CNTN5: variants seen among roughly 807,000 people sequenced by gnomAD.
CNTN5 encodes contactin-5.
CNTN5 carries 77 observed loss-of-function variants against 129.1 expected under a neutral mutation model. The observed-to-expected ratio is 0.60, with a 90% CI of 0.50 to 0.72. The LOEUF (loss-of-function observed/expected upper bound fraction) is 0.72. CNTN5 is among the 30% of genes least tolerant of loss of function. The pLI, the probability that CNTN5 is intolerant of heterozygous loss-of-function variation, is 0.00. For synonymous variants in CNTN5, 509 were observed against 465.6 expected (o/e 1.09, Z -1.20); for missense variants, 1,478 against 1,328.8 (o/e 1.11, Z -1.75).
At chr11:100,007,473 G>T (rs1424126396) in intron 9 of CNTN5, among the ~76,000 whole-genome samples, 1 of 152,090 alleles carries the variant, frequency 6.6e-6, no homozygotes, top group East Asian at 1.9e-4. Flanking sequence ...ATAACTAGCT[G>T]AAGTTTTCAC....
intron 3 of CNTN5, among the ~76,000 whole-genome samples, chr11:99,704,512 C>G (rs928244976): frequency 2.6e-5 from 4 of 150,956 alleles, no homozygotes; most frequent in African/African-American, 9.7e-5. Context: ...ATATGAAATA[C>G]TAGAAATGTT....
chr11:99,751,033 G>A (rs1035720888), intron 3 of CNTN5, among the ~76,000 whole-genome samples: 3 of 152,168 alleles, frequency 2.0e-5, no homozygotes, highest in African/African-American at 7.2e-5. Context: ...GAAGTGAGAT[G>A]TTCATCCCTC....
chr11:99,455,794 T>TTA (rs1465807795), intron 2 of CNTN5, among the ~76,000 whole-genome samples: 2 of 152,090 alleles, frequency 1.3e-5, no homozygotes, highest in African/African-American at 4.8e-5. Context: ...GCATGAAAAA[T>TTA]TATATATATT....
Position 99,636,254 on chromosome 11 carries a change from G to T in CNTN5, c.55+79985G>T, listed in dbSNP as rs78050560. 6.9e-3 allele frequency among the ~76,000 whole-genome samples: 1,055 copies of T among 152,132 alleles called. 72 individuals carry two copies. The East Asian group carries it at 0.17, about 24-fold the overall frequency. On this transcript the variant is annotated intron_variant, in intron 3 of 24. Transcript: ENST00000524871. ...TACTATAGTTATATGGGGGAGATTGGGTGGCCTAGCCAAATAATTACCCAA... is the reference window on the plus strand; with the variant it reads ...TACTATAGTTATATGGGGGAGATTGTGTGGCCTAGCCAAATAATTACCCAA...
chr11:99,458,377 A>G (rs112647714), intron 2 of CNTN5, among the ~76,000 whole-genome samples: 1,879 of 152,078 alleles, frequency 0.012, 43 homozygotes, highest in African/African-American at 0.043. Flanking sequence ...CATTTTTAGT[A>G]ATCAATCAGA....
At chr11:99,469,511 G>C (rs1282295657) in intron 2 of CNTN5, among the ~76,000 whole-genome samples, 2 of 151,764 alleles carry the variant, frequency 1.3e-5, no homozygotes, top group Admixed American at 1.3e-4. Context: ...TTAACTTACT[G>C]TATAATATTG....
chr11:99,678,312 A>T (rs979448279), intron 3 of CNTN5, among the ~76,000 whole-genome samples: 3 of 151,930 alleles, frequency 2.0e-5, no homozygotes, highest in Non-Finnish European at 4.4e-5. Flanking sequence ...TAGGCAAAAA[A>T]TGTTACAAAG....
intron 1 of CNTN5, among the ~76,000 whole-genome samples, chr11:99,124,088 G>A (rs902118199): frequency 1.3e-5 from 2 of 152,006 alleles, no homozygotes; most frequent in Non-Finnish European, 2.9e-5. Context: ...AGTTTAATAG[G>A]AAGAGCATTA....
At chr11:100,141,034 C>G (rs1946684120) in intron 13 of CNTN5, among the ~76,000 whole-genome samples, 1 of 152,066 alleles carries the variant, frequency 6.6e-6, no homozygotes, top group Non-Finnish European at 1.5e-5. Context: ...AGGAAAAATC[C>G]AGGTTTCCAT....
intron 13 of CNTN5, among the ~76,000 whole-genome samples, chr11:100,181,300 C>A (rs1023595857): frequency 2.6e-5 from 4 of 151,726 alleles, no homozygotes; most frequent in African/African-American, 7.3e-5. Flanking sequence ...TTGAAAAAAA[C>A]CAATCCCCAA....
At chr11:100,060,863 A>T (rs534632330) in intron 9 of CNTN5, among the ~76,000 whole-genome samples, 36 of 151,806 alleles carry the variant, frequency 2.4e-4, no homozygotes, top group African/African-American at 8.5e-4. Flanking sequence ...CTGGTCTCGA[A>T]CTCCTGACTT....
intron 2 of CNTN5, among the ~76,000 whole-genome samples, chr11:99,470,730 G>A (rs35950796): frequency 0.14 from 20,865 of 151,836 alleles, 1,456 homozygotes; most frequent in South Asian, 0.16. Flanking sequence ...TTCTGAAGAG[G>A]ATACCCAATA....
intron 3 of CNTN5, among the ~76,000 whole-genome samples, chr11:99,675,754 T>G (rs1020093009): frequency 3.3e-5 from 5 of 152,086 alleles, no homozygotes; most frequent in African/African-American, 1.2e-4. Context: ...TGTTTTATAT[T>G]AATGGGAGGA....
intron 4 of CNTN5, among the ~76,000 whole-genome samples, chr11:99,834,882 G>C (rs1947254105): frequency 6.6e-6 from 1 of 152,156 alleles, no homozygotes; most frequent in Non-Finnish European, 1.5e-5. Context: ...CTAGATGACT[G>C]CCTCCACAGT....
intron 16 of CNTN5, among the ~76,000 whole-genome samples, chr11:100,227,672 G>A (rs1466459258): frequency 1.3e-5 from 2 of 152,086 alleles, no homozygotes; most frequent in African/African-American, 4.8e-5. Context: ...ATAATAGAAT[G>A]AATATGTTAG....
At chr11:99,710,877 CAT>C (rs1239868462) in intron 3 of CNTN5, among the ~76,000 whole-genome samples, 1 of 151,784 alleles carries the variant, frequency 6.6e-6, no homozygotes, top group Non-Finnish European at 1.5e-5. Flanking sequence ...GTTACTAAAA[CAT>C]ATTTAGAACA....
chr11:99,334,763 C>A (rs1866150122), intron 2 of CNTN5, among the ~76,000 whole-genome samples: 1 of 151,854 alleles, frequency 6.6e-6, no homozygotes, highest in Non-Finnish European at 1.5e-5. Context: ...TAATAATTAT[C>A]ATTTCATGTA....
intron 3 of CNTN5, among the ~76,000 whole-genome samples, chr11:99,779,140 T>C (rs901537861): frequency 2.0e-5 from 3 of 151,932 alleles, no homozygotes; most frequent in Admixed American, 6.6e-5. Flanking sequence ...TTATAAACAT[T>C]TGCATATTTA....
intron 2 of CNTN5, among the ~76,000 whole-genome samples, chr11:99,488,990 T>A (rs1191549018): frequency 6.6e-6 from 1 of 152,040 alleles, no homozygotes; most frequent in African/African-American, 2.4e-5. Context: ...ATCGCGTCTA[T>A]CAAACAAGAG....
Sources: allele counts gnomAD v4.1 joint callset (sites outside exome capture counted in the v4.1 genomes callset), GRCh38; gene constraint gnomAD v4.1.1; transcripts MANE v1.5; gene names NCBI Gene and HGNC (gene_info 2026-07-23, HGNC 2026-07-21).